PPM1B: variants seen among roughly 807,000 people sequenced by gnomAD.
The protein encoded by PPM1B is protein phosphatase 1B.
PPM1B carries 22 observed loss-of-function variants against 43.0 expected under a neutral mutation model. The ratio of observed to expected loss-of-function variants is 0.51; its 90% CI spans 0.37 to 0.73. The LOEUF is 0.73. Among genes scored for constraint, PPM1B ranks in the 30% least tolerant of loss-of-function variants. The probability of loss-of-function intolerance (pLI) is 0.00; values close to 1 mark genes in which losing one functional copy is unlikely to be tolerated. For synonymous variants in PPM1B, 217 were observed against 197.9 expected, an observed-to-expected ratio of 1.10 and a Z score of -0.81; for missense variants, 632 against 584.2, an observed-to-expected ratio of 1.08 and a Z score of -0.84.
At chr2:44,204,858 CAAAAAAAAAAAAAAA>C (rs368660082) in intron 2 of PPM1B, among the ~76,000 whole-genome samples, 1 of 36,686 alleles carries the variant, frequency 2.7e-5, no homozygotes, top group African/African-American at 6.0e-5. Context: ...GACTCCGTCT[CAAAAAAAAAAAAAAA>C]AAAAAAAAAA....
chr2:44,186,916 T>C (rs1250340263), intron 1 of PPM1B, among the ~76,000 whole-genome samples: 2 of 152,220 alleles, frequency 1.3e-5, no homozygotes, highest in Non-Finnish European at 2.9e-5. Flanking sequence ...ATAACCATCT[T>C]AACCATTTTT....
rs1370776975 is a variant in PPM1B at position 44,230,405 on chromosome 2, A to G, written c.1135-8A>G. 1.3e-5 allele frequency: 21 copies of G among 1,607,930 alleles called. No homozygotes were observed. The highest frequency in any genetic ancestry group is 1.8e-5 in the Non-Finnish European group (21 of 1,176,790). On this transcript the variant is annotated splice_region_variant and splice_polypyrimidine_tract_variant and intron_variant, in intron 5 of 5. Coordinates refer to ENST00000282412, the MANE Select transcript of PPM1B (RefSeq NM_002706.6). ...TACTGACACTGGGGTCTTGAATCTT[A>G]AAAAAAGGCCTCCGATGAAGCAGAG... is the stretch of plus-strand genomic sequence containing the variant.
At chr2:44,190,292 C>G (rs1668349238) in intron 1 of PPM1B, among the ~76,000 whole-genome samples, 1 of 151,406 alleles carries the variant, frequency 6.6e-6, no homozygotes, top group African/African-American at 2.4e-5. Flanking sequence ...GTAGCTGGGA[C>G]TATAGGTGCC....
At chr2:44,195,123 C>T (rs911553408) in intron 1 of PPM1B, among the ~76,000 whole-genome samples, 13 of 151,718 alleles carry the variant, frequency 8.6e-5, no homozygotes, top group Non-Finnish European at 4.4e-5. Context: ...AAACTCCTGA[C>T]CTCAGGTGAT....
chr2:44,224,385 G>T (rs1670119277), intron 5 of PPM1B, among the ~76,000 whole-genome samples: 1 of 150,802 alleles, frequency 6.6e-6, no homozygotes, highest in African/African-American at 2.4e-5. Context: ...AACCCGGGAG[G>T]CAGAGCTTTC....
intron 5 of PPM1B, chr2:44,244,168 C>A: frequency 1.1e-6 from 1 of 892,168 alleles, no homozygotes; most frequent in Non-Finnish European, 1.4e-6. Flanking sequence ...AACCCCAATC[C>A]TGCAAGAAAA....
intron 1 of PPM1B, among the ~76,000 whole-genome samples, chr2:44,184,086 T>C (rs75782096): frequency 2.0e-5 from 3 of 152,242 alleles, no homozygotes; most frequent in African/African-American, 4.8e-5. Flanking sequence ...GGCAAGTTCT[T>C]AACCTCATTG....
At chr2:44,204,909 G>A (rs1669102035) in intron 2 of PPM1B, among the ~76,000 whole-genome samples, 1 of 148,990 alleles carries the variant, frequency 6.7e-6, no homozygotes, top group Non-Finnish European at 1.5e-5. Context: ...AGGGTTGCCA[G>A]TTAATATTAA....
intron 5 of PPM1B, among the ~76,000 whole-genome samples, chr2:44,228,400 C>T (rs1242784254): frequency 6.6e-6 from 1 of 152,030 alleles, no homozygotes; most frequent in Non-Finnish European, 1.5e-5. Flanking sequence ...CCTAGAACTC[C>T]TGACCTCAAG....
chr2:44,204,549 T>G (rs1669077981), intron 2 of PPM1B, among the ~76,000 whole-genome samples: 1 of 152,158 alleles, frequency 6.6e-6, no homozygotes, highest in African/African-American at 2.4e-5. Context: ...TATTAGTAAA[T>G]TATTGCTTTC....
At chr2:44,188,393 C>CTT (rs67959948) in intron 1 of PPM1B, among the ~76,000 whole-genome samples, 15 of 92,302 alleles carry the variant, frequency 1.6e-4, no homozygotes, top group Admixed American at 6.2e-4. Context: ...TTCTTTCTTT[C>CTT]TTTTTTTTTT....
At chr2:44,199,303 CA>C (rs1339815695) in intron 1 of PPM1B, among the ~76,000 whole-genome samples, 70 of 66,896 alleles carry the variant, frequency 1.0e-3, no homozygotes, top group Admixed American at 1.2e-3. Context: ...CTGTAGATCT[CA>C]AAAAAAAAAA....
intron 1 of PPM1B, among the ~76,000 whole-genome samples, chr2:44,183,398 T>G (rs1274028506): frequency 2.6e-5 from 4 of 152,228 alleles, no homozygotes. Context: ...AACAAATATC[T>G]GCACAGAGTA....
At chr2:44,214,148 C>T (rs1464504282) in intron 3 of PPM1B, among the ~76,000 whole-genome samples, 2 of 152,166 alleles carry the variant, frequency 1.3e-5, no homozygotes, top group Non-Finnish European at 2.9e-5. Context: ...GGCGCGATCT[C>T]GGCTCACTGC....
At chr2:44,229,353 A>T (rs1360667868) in intron 5 of PPM1B, among the ~76,000 whole-genome samples, 1 of 152,150 alleles carries the variant, frequency 6.6e-6, no homozygotes, top group African/African-American at 2.4e-5. Flanking sequence ...CCTAGTTGTC[A>T]CTAGAGTGAC....
Position 44,218,059 on chromosome 2 carries a change from G to A in PPM1B, c.1057G>A (p.Gly353Arg), listed in dbSNP as rs768621130. Reference sequence around the variant, plus strand: ...AGAAAATATCCCAAATTTGCCTCCTGGGGGAGGTCTTGCTGGCAAGTAAGT... The same window carrying A: ...AGAAAATATCCCAAATTTGCCTCCTAGGGGAGGTCTTGCTGGCAAGTAAGT... ...SAENIPNLPP[G>R]GGLAGKRNVI... Residue 353 changes from glycine (G) to arginine (R), a missense_variant, in exon 4 of 6, where the codon GGG (glycine) becomes AGG (arginine). By Grantham distance (125) the Gly-to-Arg change is moderately radical. Coordinates refer to ENST00000282412, the MANE Select transcript of PPM1B (RefSeq NM_002706.6). 4 of 1,612,264 alleles carry A rather than the reference G, an allele frequency of 2.5e-6. No individual in the cohort carries two copies. The highest frequency in any genetic ancestry group is 1.1e-5 in the South Asian group (1 of 90,832).
chr2:44,192,035 T>G (rs1431020867), intron 1 of PPM1B, among the ~76,000 whole-genome samples: 1 of 152,118 alleles, frequency 6.6e-6, no homozygotes, highest in Admixed American at 6.5e-5. Flanking sequence ...GTTTTATTCT[T>G]TACTACTTTG....
downstream of PPM1B, chr2:44,233,525 T>G: frequency 1.0e-6 from 1 of 985,014 alleles, no homozygotes; most frequent in Non-Finnish European, 1.2e-6. Context: ...GGAGAAGTAA[T>G]GAATGTATCC....
At chr2:44,173,567 A>T (rs976753920) in intron 1 of PPM1B, among the ~76,000 whole-genome samples, 1 of 152,044 alleles carries the variant, frequency 6.6e-6, no homozygotes. Flanking sequence ...GCTTAAATAC[A>T]TTTTTTTCTT....
Sources: gnomAD v4.1 joint callset for allele counts (sites outside exome capture counted in the v4.1 genomes callset) on GRCh38, gnomAD v4.1.1 for gene constraint, MANE v1.5 for transcripts, NCBI Gene and HGNC (gene_info 2026-07-23, HGNC 2026-07-21) for gene names.